GATAD2B: variants seen among roughly 807,000 people sequenced by gnomAD.
The protein encoded by GATAD2B is transcriptional repressor p66-beta.
GATAD2B carries 8 observed loss-of-function variants against 64.3 expected under a neutral mutation model. The observed-to-expected ratio is 0.12, with a 90% CI of 0.07 to 0.22. GATAD2B has a LOEUF of 0.22. Ranked by LOEUF, GATAD2B falls within the 10% of genes least tolerant of loss-of-function variation. The pLI, the probability that GATAD2B is intolerant of heterozygous loss-of-function variation, is 1.00. For synonymous variants in GATAD2B, 281 were observed against 271.3 expected (o/e 1.04, Z -0.35); for missense variants, 453 against 752.0 (o/e 0.60, Z 4.65).
At chr1:153,832,471 C>T (rs1294766671) in intron 1 of GATAD2B, among the ~76,000 whole-genome samples, 8 of 152,130 alleles carry the variant, frequency 5.3e-5, no homozygotes. Context: ...AAAAGAAAAG[C>T]TGGAAACTAG....
chr1:153,913,414 C>T (rs1279641881), intron 1 of GATAD2B, among the ~76,000 whole-genome samples: 1 of 152,134 alleles, frequency 6.6e-6, no homozygotes, highest in Non-Finnish European at 1.5e-5. Flanking sequence ...GCCATCTTTA[C>T]AGAAAGCAAG....
chr1:153,818,914 G>A lies in GATAD2B; in HGVS notation c.474C>T (p.Gly158=). ...TGATAAGCTGCTGCCGCTCCTCAAT[G>A]CCTTTCCCCTAAGGAAACAAGAAGA... ...AANLEMFKGK[G]IEERQQLIKQ... is the part of the protein sequence containing the mutation. The change falls in exon 4 of 11, where the codon GGC becomes GGT. Residue 158 remains glycine (G), a synonymous_variant. Coordinates refer to ENST00000368655, the MANE Select transcript of GATAD2B (RefSeq NM_020699.4). The A allele has an allele frequency of 6.2e-7, 1 of 1,610,412 alleles. No individual in the cohort carries two copies. Among genetic ancestry groups the A allele is most frequent in the African/African-American group, 1.3e-5 (1 of 75,012 alleles).
chr1:153,867,045 T>C (rs1676502971), intron 1 of GATAD2B, among the ~76,000 whole-genome samples: 1 of 152,114 alleles, frequency 6.6e-6, no homozygotes, highest in Non-Finnish European at 1.5e-5. Context: ...CCCAAAGTGC[T>C]GGTATTACAG....
At chr1:153,828,421 G>A in intron 1 of GATAD2B, 73 bp from the exon 2 acceptor site, 1 of 1,049,270 alleles carries the variant, frequency 9.5e-7, no homozygotes, top group Non-Finnish European at 1.4e-6. Flanking sequence ...AGGTGGAATG[G>A]TGAAGTTATT....
intron 7 of GATAD2B, among the ~76,000 whole-genome samples, chr1:153,815,977 CA>C (rs1026396956): frequency 2.2e-4 from 33 of 151,958 alleles, no homozygotes; most frequent in African/African-American, 8.0e-4. Flanking sequence ...TGCTTGAACT[CA>C]GGAGGCAGAG....
At chr1:153,811,913 T>C in intron 9 of GATAD2B, 65 bp from the exon 10 acceptor site, 1 of 1,286,512 alleles carries the variant, frequency 7.8e-7, no homozygotes, top group Non-Finnish European at 1.1e-6. Context: ...GGGGCAAAGA[T>C]AAGGGAGTAC....
intron 1 of GATAD2B, among the ~76,000 whole-genome samples, chr1:153,906,513 T>A (rs1049118423): frequency 3.3e-5 from 5 of 151,550 alleles, no homozygotes; most frequent in African/African-American, 4.9e-5. Flanking sequence ...AAAGTAAATT[T>A]AAAAAAATGA....
At chr1:153,842,086 A>C (rs1675516777) in intron 1 of GATAD2B, among the ~76,000 whole-genome samples, 1 of 151,886 alleles carries the variant, frequency 6.6e-6, no homozygotes, top group South Asian at 2.1e-4. Context: ...CCATCCTCCT[A>C]CCTCAGCCAC....
intron 1 of GATAD2B, among the ~76,000 whole-genome samples, chr1:153,845,954 C>T (rs60173188): frequency 0.17 from 18,572 of 107,516 alleles, 2,296 homozygotes; most frequent in African/African-American, 0.35. Flanking sequence ...GCCCCCCCCC[C>T]GCCCCAAAAC....
At chr1:153,894,143 G>A (rs1276577128) in intron 1 of GATAD2B, among the ~76,000 whole-genome samples, 1 of 152,044 alleles carries the variant, frequency 6.6e-6, no homozygotes, top group Non-Finnish European at 1.5e-5. Flanking sequence ...CTGTTGGAGT[G>A]GAGGAGGGTA....
intron 1 of GATAD2B, among the ~76,000 whole-genome samples, chr1:153,908,626 G>A (rs746702297): frequency 4.0e-5 from 6 of 150,984 alleles, no homozygotes; most frequent in East Asian, 3.9e-4. Flanking sequence ...GTGCCACCAC[G>A]CCCAGCTAAT....
intron 1 of GATAD2B, among the ~76,000 whole-genome samples, chr1:153,832,499 G>A (rs993468568): frequency 6.6e-6 from 1 of 152,186 alleles, no homozygotes; most frequent in African/African-American, 2.4e-5. Context: ...TGGTTCATGA[G>A]GTTTAAGAAG....
At chr1:153,831,254 C>T (rs768599374) in intron 1 of GATAD2B, among the ~76,000 whole-genome samples, 3 of 152,138 alleles carry the variant, frequency 2.0e-5, no homozygotes, top group African/African-American at 7.2e-5. Flanking sequence ...CAAACACTGC[C>T]TGTTTTCACT....
rs577366127 is a variant in GATAD2B at position 153,849,983 on chromosome 1, G to A, written c.-1-21635C>T. ...TTCTATGGTCTATAGTCAATGAACT[G>A]GAGATCTAGTCCTGAGAGGTAGTGT... On this transcript the variant is annotated intron_variant, in intron 1 of 10. Transcript: ENST00000368655. Among the ~76,000 whole-genome samples the A allele has an allele frequency of 1.4e-4, 21 of 152,222 alleles. 1 individual carries two copies. The South Asian group carries it at 2.1e-3, about 15-fold the overall frequency.
At chr1:153,864,442 C>A (rs565324745) in intron 1 of GATAD2B, among the ~76,000 whole-genome samples, 1 of 152,234 alleles carries the variant, frequency 6.6e-6, no homozygotes, top group South Asian at 2.1e-4. Flanking sequence ...TATAGGGAGA[C>A]CTTGTCTCTA....
intron 1 of GATAD2B, chr1:153,914,656 G>A (rs1221399581): frequency 6.6e-6 from 1 of 152,244 alleles, no homozygotes; most frequent in African/African-American, 2.4e-5. Flanking sequence ...CAGCAAGGCT[G>A]GGTGTAGTGG....
chr1:153,857,416 A>G (rs1676125300), intron 1 of GATAD2B, among the ~76,000 whole-genome samples: 1 of 152,122 alleles, frequency 6.6e-6, no homozygotes, highest in African/African-American at 2.4e-5. Context: ...ACTGCACTCT[A>G]GCCTGGGCGA....
intron 1 of GATAD2B, among the ~76,000 whole-genome samples, chr1:153,843,588 A>G (rs1201102526): frequency 6.6e-6 from 1 of 152,066 alleles, no homozygotes; most frequent in Non-Finnish European, 1.5e-5. Context: ...AATTTTTTAT[A>G]TTTAAAATTT....
At chr1:153,908,096 C>A (rs1352408975) in intron 1 of GATAD2B, among the ~76,000 whole-genome samples, 1 of 152,188 alleles carries the variant, frequency 6.6e-6, no homozygotes. Context: ...AGCCATCACG[C>A]CCAGCCTAAG....
Sources: allele counts gnomAD v4.1 joint callset (sites outside exome capture counted in the v4.1 genomes callset), GRCh38; gene constraint gnomAD v4.1.1; transcripts MANE v1.5; gene names NCBI Gene and HGNC (gene_info 2026-07-23, HGNC 2026-07-21).